Variants in GALNT13 observed in about 807,000 individuals in gnomAD.
The protein encoded by GALNT13 is polypeptide N-acetylgalactosaminyltransferase 13.
In GALNT13, 28 loss-of-function variants were observed where a neutral mutation model predicts 64.2. The observed-to-expected ratio is 0.44, with a 90% CI of 0.32 to 0.60. The LOEUF is 0.60. Among genes scored for constraint, GALNT13 ranks in the 20% least tolerant of loss-of-function variants. The probability of loss-of-function intolerance (pLI) is 0.05; values close to 1 mark genes in which losing one functional copy is unlikely to be tolerated. For missense variants in GALNT13, 577 were observed against 669.8 expected (o/e 0.86, Z 1.53); for synonymous variants, 214 against 224.6 (o/e 0.95, Z 0.42).
chr2:153,244,508 C>T, the GALNT13 span, among the ~76,000 whole-genome samples: 3 of 152,150 alleles, frequency 2.0e-5, no homozygotes, highest in African/African-American at 7.2e-5. Context: ...GGAGTGTGAG[C>T]AGAAGCAGGG....
intron 4 of GALNT13, among the ~76,000 whole-genome samples, chr2:154,155,799 G>A (rs1684380288): frequency 6.6e-6 from 1 of 151,762 alleles, no homozygotes; most frequent in Non-Finnish European, 1.5e-5. Flanking sequence ...ATGTTGCTAT[G>A]TAATTTTGTT....
chr2:153,805,892 A>C, the GALNT13 span, among the ~76,000 whole-genome samples: 1 of 152,162 alleles, frequency 6.6e-6, no homozygotes, highest in African/African-American at 2.4e-5. Context: ...TCTAGTACTA[A>C]ATTTGAAATG....
At chr2:154,111,416 T>C (rs1448849463) in intron 3 of GALNT13, among the ~76,000 whole-genome samples, 1 of 152,230 alleles carries the variant, frequency 6.6e-6, no homozygotes, top group Non-Finnish European at 1.5e-5. Context: ...TTCATCTTGA[T>C]AGTCCGGGTC....
At chr2:153,634,582 G>A in the GALNT13 span, among the ~76,000 whole-genome samples, 23 of 121,212 alleles carry the variant, frequency 1.9e-4, no homozygotes, top group Non-Finnish European at 2.9e-4. Flanking sequence ...ATGGAGTCTC[G>A]CTCTGTCACC....
At chr2:153,576,283 T>G in the GALNT13 span, among the ~76,000 whole-genome samples, 1 of 152,018 alleles carries the variant, frequency 6.6e-6, no homozygotes, top group South Asian at 2.1e-4. Flanking sequence ...GTAGGTCGAG[T>G]GCCCCCCATC....
the GALNT13 span, among the ~76,000 whole-genome samples, chr2:153,268,640 T>C: frequency 6.6e-6 from 1 of 152,234 alleles, no homozygotes; most frequent in Non-Finnish European, 1.5e-5. Flanking sequence ...ATTTCATTTC[T>C]GCATTGCCCT....
At chr2:153,082,618 TACACAC>T in the GALNT13 span, among the ~76,000 whole-genome samples, 582 of 30,074 alleles carry the variant, frequency 0.019, 11 homozygotes, top group Middle Eastern at 0.036. Context: ...TATATATATA[TACACAC>T]ACACACACAC....
chr2:153,617,218 A>G, the GALNT13 span, among the ~76,000 whole-genome samples: 1 of 151,900 alleles, frequency 6.6e-6, no homozygotes, highest in African/African-American at 2.4e-5. Context: ...ATTGGCTTTT[A>G]TTATGTTGAG....
intron 7 of GALNT13, among the ~76,000 whole-genome samples, chr2:154,249,516 G>A (rs548587227): frequency 6.6e-6 from 1 of 152,202 alleles, no homozygotes; most frequent in Non-Finnish European, 1.5e-5. Context: ...AAATAATTAT[G>A]AAGATATTCA....
intron 3 of GALNT13, among the ~76,000 whole-genome samples, chr2:153,970,122 C>T (rs949304872): frequency 7.9e-5 from 12 of 152,198 alleles, no homozygotes; most frequent in African/African-American, 2.9e-4. Flanking sequence ...ACAGAATCAT[C>T]TTGACAAAAT....
intron 2 of GALNT13, among the ~76,000 whole-genome samples, chr2:153,916,436 T>C (rs1240806057): frequency 6.6e-6 from 1 of 152,068 alleles, no homozygotes; most frequent in African/African-American, 2.4e-5. Flanking sequence ...GGATTACAGG[T>C]ACAAGTCACT....
the GALNT13 span, among the ~76,000 whole-genome samples, chr2:153,345,635 T>TTCTTTCTTTCTTTC: frequency 8.7e-5 from 6 of 68,806 alleles, no homozygotes; most frequent in Admixed American, 1.8e-4. Context: ...TTTCCTTTCT[T>TTCTTTCTTTCTTTC]TTTCTTTCTT....
At chr2:153,846,887 G>A in the GALNT13 span, among the ~76,000 whole-genome samples, 2,890 of 152,180 alleles carry the variant, frequency 0.019, 52 homozygotes, top group Middle Eastern at 0.044. Flanking sequence ...AAAGGAGAAA[G>A]GCTAGAATCA....
chr2:153,779,589 A>G, the GALNT13 span, among the ~76,000 whole-genome samples: 1 of 152,192 alleles, frequency 6.6e-6, no homozygotes, highest in Admixed American at 6.5e-5. Context: ...ATTATTTCAT[A>G]TTCTTATAAG....
In GALNT13 at chr2:154,272,443, T is replaced by G. The variant is rs1000269505; in HGVS notation, c.975+13305T>G. 7.2e-5 allele frequency among the ~76,000 whole-genome samples: 11 copies of G among 152,072 alleles called. No individual in the cohort carries two copies. The East Asian group carries it at 2.1e-3, about 29-fold the overall frequency. ...AAAATGTCAACTTTGAGAAACATAC[T>G]TCATTGCTGTGGCTTTCTGACCCTT... On this transcript the variant is annotated intron_variant, in intron 8 of 12. Coordinates refer to ENST00000392825, the MANE Select transcript of GALNT13 (RefSeq NM_052917.4).
intron 3 of GALNT13, among the ~76,000 whole-genome samples, chr2:153,967,461 T>G (rs1246499238): frequency 1.3e-5 from 2 of 152,172 alleles, no homozygotes; most frequent in African/African-American, 4.8e-5. Flanking sequence ...GTGGCCCCCA[T>G]AAGCCCAGGA....
At chr2:154,372,344 C>A (rs553065965) in intron 9 of GALNT13, among the ~76,000 whole-genome samples, 200 of 25,264 alleles carry the variant, frequency 7.9e-3, no homozygotes, top group African/African-American at 0.015. Context: ...ATCCTCTAAT[C>A]CCCAGATGTA....
chr2:153,834,628 T>G, the GALNT13 span, among the ~76,000 whole-genome samples: 112 of 152,230 alleles, frequency 7.4e-4, no homozygotes, highest in Non-Finnish European at 1.2e-3. Flanking sequence ...AATACTTTAG[T>G]GGAGGGGAGG....
chr2:153,936,040 C>T (rs1690889961), intron 2 of GALNT13, among the ~76,000 whole-genome samples: 2 of 152,184 alleles, frequency 1.3e-5, no homozygotes, highest in African/African-American at 4.8e-5. Flanking sequence ...TTATACCTCC[C>T]ATGTTTGCCC....
Sources: gnomAD v4.1 joint callset for allele counts (sites outside exome capture counted in the v4.1 genomes callset) on GRCh38, gnomAD v4.1.1 for gene constraint, MANE v1.5 for transcripts, NCBI Gene and HGNC (gene_info 2026-07-23, HGNC 2026-07-21) for gene names.